ANKRD30A: variants seen among roughly 807,000 people sequenced by gnomAD.
The protein encoded by ANKRD30A is ankyrin repeat domain-containing protein 30A.
ANKRD30A carries 170 observed loss-of-function variants against 166.3 expected under a neutral mutation model. That is an observed-to-expected ratio of 1.02 (90% CI 0.90 to 1.16). The LOEUF is 1.16. Ranked by LOEUF, ANKRD30A falls within the 50% of genes most tolerant of loss-of-function variation. ANKRD30A has a pLI of 0.00. For missense variants in ANKRD30A, 1,630 were observed against 1,518.0 expected (o/e 1.07, Z -1.23); for synonymous variants, 564 against 508.9 (o/e 1.11, Z -1.46).
Position 37,219,587 on chromosome 10 carries a change from A to G in ANKRD30A, c.3875A>G (p.Gln1292Arg). 1 of 1,610,418 alleles carries G rather than the reference A, an allele frequency of 6.2e-7. No individual in the cohort carries two copies. The highest frequency in any genetic ancestry group is 1.1e-5 in the South Asian group (1 of 90,962). The part of the protein sequence containing the change: ...EHAQRDQRET[Q>R]CQMKEAEHMY... ...GCACAAAGAGACCAACGTGAAACAC[A>G]GTGTCAAATGAAGGAAGCTGAACAC... Residue 1292 changes from glutamine to arginine, a missense_variant, in exon 34 of 36, where the codon CAG becomes CGG. Physicochemically the swap from Gln to Arg is conservative, Grantham distance 43. Coordinates refer to ENST00000361713, the MANE Select transcript of ANKRD30A (RefSeq NM_052997.3).
intron 34 of ANKRD30A, among the ~76,000 whole-genome samples, chr10:37,229,049 A>G (rs901017345): frequency 2.0e-5 from 3 of 151,970 alleles, no homozygotes; most frequent in Admixed American, 1.3e-4. Flanking sequence ...TTGCTCAGCT[A>G]TATGTCTTGT....
the ANKRD30A span, among the ~76,000 whole-genome samples, chr10:37,256,087 GCA>G: frequency 2.0e-5 from 3 of 152,108 alleles, no homozygotes; most frequent in African/African-American, 7.2e-5. Context: ...TTCAGACTCT[GCA>G]CAGTGTCTCT....
intron 24 of ANKRD30A, among the ~76,000 whole-genome samples, chr10:37,179,000 C>G (rs1487174327): frequency 2.2e-5 from 3 of 135,898 alleles, no homozygotes. Flanking sequence ...TTCTTTATTA[C>G]TATGAGGCGT....
At chr10:37,208,741 A>T (rs1484556538) in intron 31 of ANKRD30A, among the ~76,000 whole-genome samples, 2 of 152,180 alleles carry the variant, frequency 1.3e-5, no homozygotes, top group Non-Finnish European at 2.9e-5. Context: ...ATTCTTCAGC[A>T]TATGTTAAAG....
At chr10:37,263,561 C>T in the ANKRD30A span, among the ~76,000 whole-genome samples, 3 of 151,792 alleles carry the variant, frequency 2.0e-5, no homozygotes, top group Admixed American at 6.6e-5. Flanking sequence ...AGAAGGAACA[C>T]GCAACCTAGG....
chr10:37,151,071 G>C (rs1200901), intron 11 of ANKRD30A, among the ~76,000 whole-genome samples: 16,160 of 88,124 alleles, frequency 0.18, 2,665 homozygotes, highest in African/African-American at 0.2. Flanking sequence ...GCTAAGATCA[G>C]AAGTTAAACT....
Position 37,193,271 on chromosome 10 carries a change from A to T in ANKRD30A, c.2614+13A>T. ...ACTTTCAAAGCAGGTAAATTTTGTAATTTTAATTTTACTCTGGAAAGAAGA... is the reference window on the plus strand; with the variant it reads ...ACTTTCAAAGCAGGTAAATTTTGTATTTTTAATTTTACTCTGGAAAGAAGA... On this transcript the variant is annotated intron_variant, in intron 27 of 35. Coordinates refer to ENST00000361713, the MANE Select transcript of ANKRD30A (RefSeq NM_052997.3). The T allele has an allele frequency of 6.2e-7, 1 of 1,602,996 alleles. No homozygotes were observed. Among genetic ancestry groups the T allele is most frequent in the Middle Eastern group, 1.7e-4 (1 of 5,992 alleles).
At chr10:37,241,930 G>C in the ANKRD30A span, 1 of 152,146 alleles carries the variant, frequency 6.6e-6, no homozygotes, top group Non-Finnish European at 1.5e-5. Flanking sequence ...GCTCTACCGT[G>C]ATTTCTGATT....
chr10:37,232,687 T>G (rs1385250459), downstream of ANKRD30A: 195 of 5,014 alleles, frequency 0.039, 4 homozygotes, highest in African/African-American at 0.054. Context: ...TATATATATA[T>G]ATATATAAAT....
At chr10:37,224,435 T>A (rs1006333546) in intron 34 of ANKRD30A, among the ~76,000 whole-genome samples, 1 of 150,818 alleles carries the variant, frequency 6.6e-6, no homozygotes, top group Non-Finnish European at 1.5e-5. Flanking sequence ...CATATATATA[T>A]CACTAAACTT....
intron 31 of ANKRD30A, among the ~76,000 whole-genome samples, chr10:37,213,140 T>A (rs1842424247): frequency 6.6e-6 from 1 of 151,844 alleles, no homozygotes; most frequent in African/African-American, 2.4e-5. Flanking sequence ...TCTCTGATGT[T>A]TTAGTTCTCT....
the ANKRD30A span, among the ~76,000 whole-genome samples, chr10:37,257,017 G>C: frequency 3.4e-4 from 51 of 152,128 alleles, no homozygotes; most frequent in African/African-American, 1.2e-3. Flanking sequence ...GAATCCATCT[G>C]GTCCTGGGCT....
In ANKRD30A at chr10:37,199,831, A is replaced by G. The variant is rs368232622; in HGVS notation, c.2778+43A>G. ...TTTTTTTAAATATTAGTATTGCATG[A>G]TATGAAAACATAAAATCAGATGCTT... On this transcript the variant is annotated intron_variant, in intron 30 of 35. Transcript: ENST00000361713. The G allele has an allele frequency of 3.8e-5, 45 of 1,197,104 alleles. No individual in the cohort carries two copies. The African/African-American group carries it at 5.7e-4, about 15-fold the overall frequency. The allele number at this position is 1,197,104 out of a possible 1,614,324, so 74.2% of individuals were successfully genotyped here. A position where few individuals can be genotyped will look rare whatever the true frequency, so the allele number is the denominator to read the frequency against.
At chr10:37,229,126 T>A (rs1003630599) in intron 34 of ANKRD30A, among the ~76,000 whole-genome samples, 3 of 151,980 alleles carry the variant, frequency 2.0e-5, no homozygotes, top group African/African-American at 7.2e-5. Flanking sequence ...CATTGGAGCT[T>A]CTAGGCATTC....
intron 24 of ANKRD30A, among the ~76,000 whole-genome samples, chr10:37,179,054 A>ATATG (rs1564529261): frequency 2.6e-4 from 35 of 135,246 alleles, no homozygotes; most frequent in African/African-American, 9.4e-4. Flanking sequence ...ATATATATAT[A>ATATG]TATATATATA....
intron 2 of ANKRD30A, 52 bp downstream of exon 2, chr10:37,130,059 A>T: frequency 7.7e-7 from 1 of 1,295,756 alleles, no homozygotes; most frequent in East Asian, 2.9e-5. Context: ...TTAAATACAT[A>T]GAATAAAAAT....
Position 37,211,548 on chromosome 10 carries a change from G to T in ANKRD30A, c.2870-4633G>T, listed in dbSNP as rs1213512969. Among the ~76,000 whole-genome samples the T allele has an allele frequency of 2.0e-5, 3 of 151,900 alleles. No homozygotes were observed. In the East Asian group the frequency reaches 5.8e-4, roughly 29 times the overall value. On this transcript the variant is annotated intron_variant, in intron 31 of 35. Transcript: ENST00000361713. ...CAGTCTATCATTGTTGGACATTTGT[G>T]TTGGTTCCAAGTCTTTGCTATTGTG...
chr10:37,156,417 C>T (rs1838388025), intron 13 of ANKRD30A, among the ~76,000 whole-genome samples: 1 of 152,134 alleles, frequency 6.6e-6, no homozygotes, highest in African/African-American at 2.4e-5. Flanking sequence ...TACCCGGTTC[C>T]TCTGCATGAA....
chr10:37,157,938 A>G (rs1284567894), intron 13 of ANKRD30A, among the ~76,000 whole-genome samples: 2 of 151,986 alleles, frequency 1.3e-5, no homozygotes, highest in African/African-American at 4.8e-5. Flanking sequence ...TGAAGAACAT[A>G]ATAGCTACAT....
Sources: gnomAD v4.1 joint callset for allele counts (sites outside exome capture counted in the v4.1 genomes callset) on GRCh38, gnomAD v4.1.1 for gene constraint, MANE v1.5 for transcripts, NCBI Gene and HGNC (gene_info 2026-07-23, HGNC 2026-07-21) for gene names.